The following NCKAP5 variants were observed in gnomAD, a reference collection of about 807,000 sequenced individuals.
The protein encoded by NCKAP5 is NCK associated protein 5.
A neutral mutation model predicts 167.0 loss-of-function variants in NCKAP5; 92 were observed. The ratio of observed to expected loss-of-function variants is 0.55; its 90% CI spans 0.47 to 0.66. The LOEUF (loss-of-function observed/expected upper bound fraction) is 0.66. Among genes scored for constraint, NCKAP5 ranks in the 30% least tolerant of loss-of-function variants. The pLI is 0.00. For missense variants in NCKAP5, 2,378 were observed against 2,315.0 expected, an observed-to-expected ratio of 1.03 and a Z score of -0.56; for synonymous variants, 891 against 877.4, an observed-to-expected ratio of 1.02 and a Z score of -0.27.
chr2:133,073,566 G>A (rs1464976816), intron 6 of NCKAP5, among the ~76,000 whole-genome samples: 1 of 152,172 alleles, frequency 6.6e-6, no homozygotes, highest in Non-Finnish European at 1.5e-5. Flanking sequence ...TCACAGAAGG[G>A]AAGGTGAAAC....
intron 5 of NCKAP5, among the ~76,000 whole-genome samples, chr2:133,130,848 G>T (rs200433935): frequency 1.6e-5 from 1 of 61,870 alleles, no homozygotes; most frequent in Non-Finnish European, 2.5e-5. Flanking sequence ...TTTTTGTTTT[G>T]TTGTTGTTGT....
intron 19 of NCKAP5, among the ~76,000 whole-genome samples, chr2:132,718,903 TG>T (rs972983505): frequency 6.6e-6 from 1 of 151,990 alleles, no homozygotes; most frequent in Admixed American, 6.5e-5. Context: ...CAAGTGGAAA[TG>T]AAAGAGATAC....
intron 4 of NCKAP5, among the ~76,000 whole-genome samples, chr2:133,254,478 C>T: frequency 6.6e-6 from 1 of 152,206 alleles, no homozygotes; most frequent in Admixed American, 6.5e-5. Context: ...AAGAACCACC[C>T]AGCTGAGTCT....
chr2:133,164,225 G>GA (rs552045301), intron 5 of NCKAP5, among the ~76,000 whole-genome samples: 22 of 152,050 alleles, frequency 1.4e-4, no homozygotes, highest in Non-Finnish European at 2.8e-4. Context: ...CACACAAAAA[G>GA]AAAAAAACCA....
intron 6 of NCKAP5, among the ~76,000 whole-genome samples, chr2:133,013,666 C>T (rs887933867): frequency 7.2e-5 from 11 of 152,264 alleles, no homozygotes; most frequent in African/African-American, 2.2e-4. Context: ...TACAGCCAAA[C>T]CATATCAGGT....
intron 5 of NCKAP5, among the ~76,000 whole-genome samples, chr2:133,166,323 T>C (rs919278645): frequency 2.0e-5 from 3 of 152,236 alleles, no homozygotes; most frequent in Non-Finnish European, 2.9e-5. Flanking sequence ...CAATCATAAT[T>C]TACATACAAT....
At chr2:133,665,364 T>C in the NCKAP5 span, among the ~76,000 whole-genome samples, 4 of 152,302 alleles carry the variant, frequency 2.6e-5, no homozygotes, top group East Asian at 3.9e-4. Flanking sequence ...CTGTTATTAA[T>C]TGGCCTAATT....
At chr2:133,634,185 C>T in the NCKAP5 span, among the ~76,000 whole-genome samples, 34 of 152,142 alleles carry the variant, frequency 2.2e-4, no homozygotes, top group Non-Finnish European at 4.0e-4. Context: ...TTTAAATTTA[C>T]AGCTTGCCAG....
At chr2:133,450,314 T>C (rs926253116) in intron 3 of NCKAP5, among the ~76,000 whole-genome samples, 2 of 152,154 alleles carry the variant, frequency 1.3e-5, no homozygotes, top group African/African-American at 4.8e-5. Context: ...TATATTCCAA[T>C]ATGTCCATCA....
intron 19 of NCKAP5, among the ~76,000 whole-genome samples, chr2:132,684,927 A>T (rs1482732883): frequency 6.6e-6 from 1 of 152,216 alleles, no homozygotes; most frequent in East Asian, 1.9e-4. Flanking sequence ...TTCTCTTGCA[A>T]AACGAGTAGC....
At chr2:133,640,117 G>GTGA in the NCKAP5 span, among the ~76,000 whole-genome samples, 3 of 152,210 alleles carry the variant, frequency 2.0e-5, no homozygotes, top group Non-Finnish European at 4.4e-5. Flanking sequence ...ATTTAAGGTA[G>GTGA]TGATTGTACC....
chr2:133,572,408 T>C (rs1270748374), upstream of NCKAP5, among the ~76,000 whole-genome samples: 1 of 152,164 alleles, frequency 6.6e-6, no homozygotes, highest in African/African-American at 2.4e-5. Context: ...CAAGAGAAGA[T>C]AAGTCATAGG....
chr2:133,015,981 G>A (rs1224618602), intron 6 of NCKAP5, among the ~76,000 whole-genome samples: 1 of 152,060 alleles, frequency 6.6e-6, no homozygotes, highest in Non-Finnish European at 1.5e-5. Context: ...CAGGTACAAA[G>A]GCACAAAAAA....
intron 19 of NCKAP5, among the ~76,000 whole-genome samples, chr2:132,675,743 C>A (rs1242889159): frequency 6.6e-6 from 1 of 151,206 alleles, no homozygotes; most frequent in Non-Finnish European, 1.5e-5. Context: ...ATCAGGTTTT[C>A]AAATGTTTCA....
chr2:132,723,817 G>A (rs1168384805), intron 19 of NCKAP5, among the ~76,000 whole-genome samples: 2 of 152,170 alleles, frequency 1.3e-5, no homozygotes, highest in Non-Finnish European at 2.9e-5. Context: ...CAGTCTCTTA[G>A]TTGATCCTGC....
chr2:133,504,651 G>A (rs996767158), intron 3 of NCKAP5, among the ~76,000 whole-genome samples: 12 of 152,090 alleles, frequency 7.9e-5, no homozygotes, highest in African/African-American at 2.9e-4. Context: ...TCATAAGCTA[G>A]AATATCCAAA....
chr2:133,053,373 C>G (rs145040788), intron 6 of NCKAP5, among the ~76,000 whole-genome samples: 3 of 152,194 alleles, frequency 2.0e-5, no homozygotes, highest in Non-Finnish European at 4.4e-5. Flanking sequence ...AAATCAAAGT[C>G]TTTGGTCTAG....
At chr2:133,150,361 C>T (rs576207512) in intron 5 of NCKAP5, among the ~76,000 whole-genome samples, 1 of 152,198 alleles carries the variant, frequency 6.6e-6, no homozygotes, top group South Asian at 2.1e-4. Context: ...GGGTCCAGTC[C>T]AGTCCACAAT....
intron 7 of NCKAP5, among the ~76,000 whole-genome samples, chr2:132,991,724 G>A (rs4954018): frequency 0.77 from 116,726 of 152,088 alleles, 45,118 homozygotes; most frequent in African/African-American, 0.86. Flanking sequence ...TAAGCTTTAC[G>A]TGGGCCTCTG....
Sources: allele counts gnomAD v4.1 joint callset (sites outside exome capture counted in the v4.1 genomes callset), GRCh38; gene constraint gnomAD v4.1.1; transcripts MANE v1.5; gene names NCBI Gene and HGNC (gene_info 2026-07-23, HGNC 2026-07-21).